RAB3C: variants seen among roughly 807,000 people sequenced by gnomAD.
RAB3C encodes ras-related protein Rab-3C.
RAB3C carries 17 observed loss-of-function variants against 26.4 expected under a neutral mutation model. That is an observed-to-expected ratio of 0.64 (90% CI 0.44 to 0.97). The LOEUF is 0.97. Ranked by LOEUF, RAB3C falls within the 50% of genes least tolerant of loss-of-function variation. The pLI, the probability that RAB3C is intolerant of heterozygous loss-of-function variation, is 0.00. For missense variants in RAB3C, 242 were observed against 281.9 expected, an observed-to-expected ratio of 0.86 and a Z score of 1.01; for synonymous variants, 91 against 95.9, an observed-to-expected ratio of 0.95 and a Z score of 0.30.
chr5:58,702,380 C>T (rs1406762359), intron 2 of RAB3C, among the ~76,000 whole-genome samples: 1 of 152,164 alleles, frequency 6.6e-6, no homozygotes, highest in Non-Finnish European at 1.5e-5. Context: ...TCTTTCATGC[C>T]TCATGCACTT....
At position 58,601,273 on chromosome 5, in the gene RAB3C, T is replaced by C. The variant is rs1259547930; in HGVS notation, c.25-16370T>C. Among the ~76,000 whole-genome samples the C allele has an allele frequency of 2.0e-5, 3 of 152,176 alleles. No individual in the cohort carries two copies. The East Asian group carries it at 5.8e-4, about 29-fold the overall frequency. On this transcript the variant is annotated intron_variant, in intron 1 of 4. Transcript: ENST00000282878. ...GTATTCTGTTAAGGATTTTAGCATC[T>C]GTGTTCTTCAGGGATATCAGTCTGT...
rs141313534 is a variant in RAB3C at position 58,721,595 on chromosome 5, T to TA, written c.253-4404dup. On this transcript the variant is annotated intron_variant, in intron 2 of 4. Transcript: ENST00000282878. ...AGATATAACCTTCTTCCATCATTAG[T>TA]AAACGTCAATTATAATGAAGTGTTT... Among the ~76,000 whole-genome samples the TA allele has an allele frequency of 5.9e-3, 900 of 152,004 alleles. 16 individuals are homozygous for TA. Among genetic ancestry groups the TA allele is most frequent in the African/African-American group, 0.02 (835 of 41,522 alleles).
chr5:58,711,865 GAT>G (rs1465649276), intron 2 of RAB3C, among the ~76,000 whole-genome samples: 1 of 152,136 alleles, frequency 6.6e-6, no homozygotes, highest in African/African-American at 2.4e-5. Context: ...TAGTTTTAAA[GAT>G]AGGGAGGGTG....
intron 2 of RAB3C, among the ~76,000 whole-genome samples, chr5:58,647,345 C>T (rs148802393): frequency 6.6e-6 from 1 of 152,252 alleles, no homozygotes; most frequent in East Asian, 1.9e-4. Context: ...TAGACCTTCT[C>T]ACATGGGAGC....
chr5:58,745,392 CAAAAAA>C (rs1173604247), intron 3 of RAB3C, among the ~76,000 whole-genome samples: 1,783 of 33,030 alleles, frequency 0.054, 34 homozygotes, highest in African/African-American at 0.16. Context: ...GACTCTGCTT[CAAAAAA>C]AAAAAAAAAA....
At chr5:58,648,877 C>A (rs1747583426) in intron 2 of RAB3C, among the ~76,000 whole-genome samples, 2 of 152,172 alleles carry the variant, frequency 1.3e-5, no homozygotes, top group African/African-American at 2.4e-5. Flanking sequence ...TGAGCAGCCC[C>A]ATGGGGCTTC....
chr5:58,628,647 G>C (rs1427324929), intron 2 of RAB3C, among the ~76,000 whole-genome samples: 1 of 147,014 alleles, frequency 6.8e-6, no homozygotes, highest in Non-Finnish European at 1.5e-5. Context: ...GGTGGCAACT[G>C]CTCTGTTTTA....
Position 58,854,891 on chromosome 5 carries a change from G to C in RAB3C, c.*3540G>C, listed in dbSNP as rs1744226158. On this transcript the variant is annotated 3_prime_UTR_variant, in exon 5 of 5. Coordinates refer to ENST00000282878, the MANE Select transcript of RAB3C (RefSeq NM_138453.4). The stretch of plus-strand genomic sequence containing the variant: ...TAAATCTTATTCATATTAATTATAG[G>C]CCTTTTGTTTAGTACACTGGTTATT... The C allele has an allele frequency of 6.6e-6, 1 of 151,856 alleles. No individual in the cohort carries two copies. Among genetic ancestry groups the C allele is most frequent in the Admixed American group, 6.6e-5 (1 of 15,240 alleles). The allele number at this position is 151,856 out of a possible 1,614,324, so 9.4% of individuals were successfully genotyped here. A position where few individuals can be genotyped will look rare whatever the true frequency, so the allele number is the denominator to read the frequency against.
At chr5:58,653,792 A>G (rs1187170948) in intron 2 of RAB3C, among the ~76,000 whole-genome samples, 1 of 152,192 alleles carries the variant, frequency 6.6e-6, no homozygotes, top group African/African-American at 2.4e-5. Flanking sequence ...AAAGATCTGG[A>G]CATCATTAGT....
At chr5:58,737,053 C>T (rs1459876015) in intron 3 of RAB3C, among the ~76,000 whole-genome samples, 12 of 152,050 alleles carry the variant, frequency 7.9e-5, no homozygotes, top group Admixed American at 1.3e-4. Context: ...TACCAGACCC[C>T]GTACAATTTG....
chr5:58,826,483 T>C (rs1743481117), intron 4 of RAB3C, among the ~76,000 whole-genome samples: 1 of 152,176 alleles, frequency 6.6e-6, no homozygotes, highest in South Asian at 2.1e-4. Context: ...TTCTTTTTGT[T>C]TTTTGTTTGT....
chr5:58,590,105 G>T (rs1293531676), intron 1 of RAB3C, among the ~76,000 whole-genome samples: 1 of 152,192 alleles, frequency 6.6e-6, no homozygotes, highest in Non-Finnish European at 1.5e-5. Context: ...TTCTGGCTCA[G>T]AAAACAATAA....
chr5:58,777,975 G>A (rs1004051323), intron 3 of RAB3C, among the ~76,000 whole-genome samples: 8 of 152,080 alleles, frequency 5.3e-5, no homozygotes, highest in African/African-American at 1.9e-4. Flanking sequence ...TTTGTATACA[G>A]TTCTACTGAC....
chr5:58,843,961 C>A (rs1302512233), intron 4 of RAB3C, among the ~76,000 whole-genome samples: 1 of 152,136 alleles, frequency 6.6e-6, no homozygotes, highest in Non-Finnish European at 1.5e-5. Context: ...TATATACCCA[C>A]AAAAATTTCA....
At chr5:58,792,373 T>C (rs1052680616) in intron 3 of RAB3C, among the ~76,000 whole-genome samples, 6 of 152,184 alleles carry the variant, frequency 3.9e-5, no homozygotes, top group African/African-American at 1.4e-4. Context: ...CATGCAGTAA[T>C]GGGGATTACT....
intron 2 of RAB3C, among the ~76,000 whole-genome samples, chr5:58,714,210 A>T (rs1260448709): frequency 1.3e-5 from 2 of 152,146 alleles, no homozygotes; most frequent in African/African-American, 4.8e-5. Context: ...ATGGATGGTG[A>T]TGGAAGTCAT....
chr5:58,826,535 G>A (rs1206580476), intron 4 of RAB3C, among the ~76,000 whole-genome samples: 2 of 152,000 alleles, frequency 1.3e-5, no homozygotes, highest in African/African-American at 4.8e-5. Context: ...TCTTAGCAAA[G>A]AAGAGTTTGA....
At chr5:58,802,430 C>T (rs1375138788) in intron 3 of RAB3C, among the ~76,000 whole-genome samples, 1 of 152,156 alleles carries the variant, frequency 6.6e-6, no homozygotes, top group Non-Finnish European at 1.5e-5. Flanking sequence ...AGAAATCATG[C>T]AGAAACTTCA....
intron 3 of RAB3C, among the ~76,000 whole-genome samples, chr5:58,824,490 T>G (rs1464333984): frequency 1.3e-5 from 2 of 152,230 alleles, no homozygotes; most frequent in African/African-American, 4.8e-5. Flanking sequence ...CATGAACATA[T>G]TAGCTCTCAT....
Sources: gnomAD v4.1 joint callset for allele counts (sites outside exome capture counted in the v4.1 genomes callset) on GRCh38, gnomAD v4.1.1 for gene constraint, MANE v1.5 for transcripts, NCBI Gene and HGNC (gene_info 2026-07-23, HGNC 2026-07-21) for gene names.